The following SCD5 variants were observed in gnomAD, a reference collection of about 807,000 sequenced individuals.
SCD5 encodes acyl-CoA-desaturase 4.
Under a neutral mutation model 30.4 loss-of-function variants are expected in SCD5, and 20 were observed. The observed-to-expected ratio is 0.66, with a 90% CI of 0.46 to 0.96. The LOEUF (loss-of-function observed/expected upper bound fraction) is 0.96. Ranked by LOEUF, SCD5 falls within the 40% of genes least tolerant of loss-of-function variation. The pLI is 0.00. For synonymous variants in SCD5, 173 were observed against 176.4 expected (o/e 0.98, Z 0.16); for missense variants, 381 against 443.3 (o/e 0.86, Z 1.26).
intron 1 of SCD5, among the ~76,000 whole-genome samples, chr4:82,768,008 A>G (rs79410562): frequency 0.05 from 7,664 of 152,284 alleles, 260 homozygotes; most frequent in Middle Eastern, 0.099. Context: ...TACAAGAAAA[A>G]AACAACTAAA....
intron 1 of SCD5, among the ~76,000 whole-genome samples, chr4:82,774,010 A>G (rs1284584363): frequency 6.7e-6 from 1 of 150,308 alleles, no homozygotes; most frequent in Non-Finnish European, 1.5e-5. Flanking sequence ...AATTGCTTGA[A>G]CCCAGGCAGC....
At chr4:82,720,895 T>C (rs550607596) in intron 1 of SCD5, among the ~76,000 whole-genome samples, 84 of 152,274 alleles carry the variant, frequency 5.5e-4, no homozygotes, top group Admixed American at 1.8e-3. Context: ...CTCATGCCTG[T>C]AATCCCAGCA....
chr4:82,773,279 G>T (rs1236042197), intron 1 of SCD5, among the ~76,000 whole-genome samples: 1 of 152,176 alleles, frequency 6.6e-6, no homozygotes, highest in East Asian at 1.9e-4. Context: ...TTGCAACAAG[G>T]ATTATATTGT....
chr4:82,753,947 C>T (rs1188871910), intron 1 of SCD5, among the ~76,000 whole-genome samples: 1 of 152,074 alleles, frequency 6.6e-6, no homozygotes, highest in Non-Finnish European at 1.5e-5. Context: ...CAAGGTTTGC[C>T]AAGCACTGAA....
intron 1 of SCD5, among the ~76,000 whole-genome samples, chr4:82,734,743 CAATATT>C (rs893806188): frequency 2.7e-5 from 4 of 149,938 alleles, no homozygotes; most frequent in Non-Finnish European, 5.9e-5. Flanking sequence ...AGCCTATAGT[CAATATT>C]TATAAAGTTG....
chr4:82,689,974 C>T (rs1463367983), intron 2 of SCD5, among the ~76,000 whole-genome samples: 2 of 151,966 alleles, frequency 1.3e-5, no homozygotes, highest in Admixed American at 1.3e-4. Flanking sequence ...ACTTAATTGG[C>T]CAGTACATTT....
chr4:82,701,577 G>A (rs760779328), intron 2 of SCD5, among the ~76,000 whole-genome samples: 6 of 152,110 alleles, frequency 3.9e-5, no homozygotes, highest in Non-Finnish European at 5.9e-5. Context: ...AGAATATCCA[G>A]TGGGTGGCCT....
intron 1 of SCD5, among the ~76,000 whole-genome samples, chr4:82,788,726 T>A (rs1722038350): frequency 6.6e-6 from 1 of 152,092 alleles, no homozygotes; most frequent in Non-Finnish European, 1.5e-5. Flanking sequence ...GCTGTGAGGA[T>A]CAGCTGTGAG....
chr4:82,666,333 C>A (rs919449592), intron 3 of SCD5, among the ~76,000 whole-genome samples: 28 of 152,288 alleles, frequency 1.8e-4, no homozygotes, highest in African/African-American at 6.3e-4. Flanking sequence ...CAGCCATACA[C>A]TTTCCTTGAA....
intron 1 of SCD5, among the ~76,000 whole-genome samples, chr4:82,775,258 C>T (rs1162484284): frequency 6.6e-6 from 1 of 152,214 alleles, no homozygotes; most frequent in East Asian, 1.9e-4. Flanking sequence ...ATTTCACTCA[C>T]GCCCTGGTTG....
At chr4:82,774,348 G>A (rs1197133019) in intron 1 of SCD5, among the ~76,000 whole-genome samples, 1 of 151,884 alleles carries the variant, frequency 6.6e-6, no homozygotes, top group East Asian at 1.9e-4. Flanking sequence ...TGTCTACGAC[G>A]CATTAACGCA....
intron 2 of SCD5, among the ~76,000 whole-genome samples, chr4:82,704,535 A>G (rs984381538): frequency 6.6e-6 from 1 of 152,182 alleles, no homozygotes; most frequent in African/African-American, 2.4e-5. Flanking sequence ...ATATGGCCCA[A>G]TCCTAGTGCA....
intron 3 of SCD5, 84 bp downstream of exon 3, chr4:82,680,623 T>C (rs1728546186): frequency 8.1e-7 from 1 of 1,235,154 alleles, no homozygotes; most frequent in Admixed American, 1.7e-5. Flanking sequence ...AGAAGAACGC[T>C]ATGGGGTTAT....
At chr4:82,653,707 TATAG>T (rs71666754) in intron 3 of SCD5, among the ~76,000 whole-genome samples, 2 of 61,652 alleles carry the variant, frequency 3.2e-5, no homozygotes, top group African/African-American at 6.4e-5. Flanking sequence ...GATAGATAGA[TATAG>T]ATAGATAGAT....
intron 2 of SCD5, 139 bp from the exon 3 acceptor site, chr4:82,681,051 CA>C (rs1728562426): frequency 3.0e-6 from 2 of 675,432 alleles, no homozygotes; most frequent in Admixed American, 2.7e-5. Flanking sequence ...CACAGTCCCT[CA>C]ACCTCAAGTT....
chr4:82,676,504 T>C (rs1728439233), intron 3 of SCD5, among the ~76,000 whole-genome samples: 2 of 152,178 alleles, frequency 1.3e-5, no homozygotes, highest in Admixed American at 1.3e-4. Flanking sequence ...ACTTTAAAAC[T>C]TAAGTCCCTG....
intron 4 of SCD5, among the ~76,000 whole-genome samples, chr4:82,634,563 C>T (rs17005919): frequency 0.26 from 39,762 of 151,972 alleles, 6,203 homozygotes; most frequent in African/African-American, 0.43. Context: ...TTTTCAGAAA[C>T]AGACATTATG....
At chr4:82,742,514 T>C (rs971327760) in intron 1 of SCD5, among the ~76,000 whole-genome samples, 1 of 152,220 alleles carries the variant, frequency 6.6e-6, no homozygotes, top group African/African-American at 2.4e-5. Context: ...TGGCCGGGCA[T>C]GGTGCCTCAC....
At chr4:82,668,939 C>A (rs750032037) in intron 3 of SCD5, among the ~76,000 whole-genome samples, 2 of 152,174 alleles carry the variant, frequency 1.3e-5, no homozygotes, top group Admixed American at 6.5e-5. Flanking sequence ...AGATAACCAA[C>A]CAAGGCTTTG....
Sources: allele counts gnomAD v4.1 joint callset (sites outside exome capture counted in the v4.1 genomes callset), GRCh38; gene constraint gnomAD v4.1.1; transcripts MANE v1.5; gene names NCBI Gene and HGNC (gene_info 2026-07-23, HGNC 2026-07-21).